The following FAM107B variants were observed in gnomAD, a reference collection of about 807,000 sequenced individuals.
The protein encoded by FAM107B is protein FAM107B.
Under a neutral mutation model 31.5 loss-of-function variants are expected in FAM107B, and 21 were observed. That is an observed-to-expected ratio of 0.67 (90% confidence interval 0.47 to 0.96). FAM107B has a LOEUF of 0.96. Among genes scored for constraint, FAM107B ranks in the 40% least tolerant of loss-of-function variants. The pLI is 0.00. For missense variants in FAM107B, 452 were observed against 377.1 expected (o/e 1.20, Z -1.64); for synonymous variants, 157 against 141.5 (o/e 1.11, Z -0.78).
chr10:14,723,127 G>C, intron 1 of FAM107B: 1 of 421,452 alleles, frequency 2.4e-6, no homozygotes, highest in Non-Finnish European at 4.7e-6. Context: ...TTTTCCATCA[G>C]ACTTGTGTCC....
chr10:14,774,324 C>T lies in FAM107B; in HGVS notation c.340G>A (p.Asp114Asn). The T allele has an allele frequency of 6.2e-7, 1 of 1,614,244 alleles. No individual in the cohort carries two copies. Among genetic ancestry groups the T allele is most frequent in the Non-Finnish European group, 8.5e-7 (1 of 1,180,044 alleles). ...TPEDVPGSLD[D>N]GADCEAVVFH... is the part of the protein sequence containing the mutation. ...ACCACTGCTTCACAGTCCGCCCCAT[C>T]ATCCAGGGACCCGGGCACATCTTCA... The change falls in exon 1 of 5, where the codon GAT becomes AAT. Residue 114 changes from aspartate to asparagine, a missense_variant. Asp to Asn is a conservative substitution (Grantham distance 23). Coordinates refer to ENST00000181796, the MANE Select transcript of FAM107B (RefSeq NM_031453.4).
At chr10:14,613,322 A>G (rs1852772202) in intron 2 of FAM107B, among the ~76,000 whole-genome samples, 1 of 152,186 alleles carries the variant, frequency 6.6e-6, no homozygotes, top group Admixed American at 6.5e-5. Context: ...TCATAGAACA[A>G]TAGAAACCTA....
intron 1 of FAM107B, among the ~76,000 whole-genome samples, chr10:14,716,356 A>G (rs1032953100): frequency 1.3e-5 from 2 of 152,170 alleles, no homozygotes; most frequent in Non-Finnish European, 2.9e-5. Context: ...ACTCCCTCAC[A>G]GGGCAGCTGC....
At chr10:14,677,715 A>G (rs1040009411) in intron 1 of FAM107B, among the ~76,000 whole-genome samples, 4 of 152,066 alleles carry the variant, frequency 2.6e-5, no homozygotes, top group Admixed American at 6.5e-5. Flanking sequence ...GTGACTAACC[A>G]TCTTAACTTG....
In FAM107B at chr10:14,530,477, G is replaced by C. The variant is rs375503819; in HGVS notation, c.508C>G (p.Leu170Val). 1.9e-6 allele frequency: 3 copies of C among 1,613,844 alleles called. No individual in the cohort carries two copies. Among genetic ancestry groups the C allele is most frequent in the Non-Finnish European group, 2.5e-6 (3 of 1,180,030 alleles). ...PEDIDHKDSY[L>V]ITRSIMAEPD... ...TCGGCCATGATGCTTCTTGTAATGA[G>C]ATATGAGTCCTTATGGTCAATATCC... Residue 170 changes from leucine to valine, a missense_variant, in exon 3 of 5, where the codon CTC becomes GTC. Transcript: ENST00000181796.
chr10:14,548,589 G>A (rs1186153995), intron 2 of FAM107B: 8 of 985,310 alleles, frequency 8.1e-6, no homozygotes, highest in African/African-American at 1.7e-5. Context: ...ATACACATGG[G>A]AAGAAGGGAA....
Position 14,700,827 on chromosome 10 carries a change from CAAAAAAA to C in FAM107B, c.412-33143_412-33137del, listed in dbSNP as rs1159035034. On this transcript the variant is annotated intron_variant, in intron 1 of 4. Transcript: ENST00000181796. ...TCACTTGGATGCTGATGGCAAGAGGCAAAAAAAAAAAAAAAAAAAAAAAAACGCACTA... is the reference window on the plus strand; with the variant it reads ...TCACTTGGATGCTGATGGCAAGAGGCAAAAAAAAAAAAAAAAAACGCACTA... Among the ~76,000 whole-genome samples the C allele has an allele frequency of 1.7e-4, 13 of 76,018 alleles. No individual in the cohort carries two copies. In the South Asian group the frequency reaches 3.2e-3, roughly 19 times the overall value. 49.9% of individuals were successfully genotyped at this position (76,018 alleles called of 152,430 possible).
At chr10:14,649,252 G>T (rs1043957882) in intron 2 of FAM107B, among the ~76,000 whole-genome samples, 1 of 152,176 alleles carries the variant, frequency 6.6e-6, no homozygotes, top group African/African-American at 2.4e-5. Flanking sequence ...ACAGACAGCA[G>T]GACCTGAAAG....
intron 1 of FAM107B, among the ~76,000 whole-genome samples, chr10:14,677,566 A>G (rs546514120): frequency 6.6e-6 from 1 of 152,242 alleles, no homozygotes; most frequent in Admixed American, 6.5e-5. Context: ...GCTTGCAGTG[A>G]GCAGAGATGG....
intron 1 of FAM107B, among the ~76,000 whole-genome samples, chr10:14,677,959 T>C (rs1458048722): frequency 9.2e-5 from 14 of 152,216 alleles, no homozygotes; most frequent in Admixed American, 9.2e-4. Context: ...TCAAACTCTA[T>C]TCTGTGTTAG....
intron 3 of FAM107B, among the ~76,000 whole-genome samples, chr10:14,523,884 T>C (rs1434808685): frequency 2.7e-5 from 4 of 150,824 alleles, no homozygotes; most frequent in Middle Eastern, 3.4e-3. Context: ...TTTTTTTTTT[T>C]CTGAGACAGG....
At chr10:14,570,789 G>A (rs921954612) in intron 2 of FAM107B, among the ~76,000 whole-genome samples, 3 of 130,932 alleles carry the variant, frequency 2.3e-5, no homozygotes, top group African/African-American at 8.3e-5. Context: ...ATGACAGAGT[G>A]AGACTCCATC....
intron 1 of FAM107B, among the ~76,000 whole-genome samples, chr10:14,680,133 G>A (rs959331849): frequency 2.0e-5 from 3 of 152,112 alleles, no homozygotes; most frequent in African/African-American, 7.2e-5. Flanking sequence ...CTATAATACA[G>A]GTTGCTTGGC....
chr10:14,774,427 C>A lies in FAM107B; in HGVS notation c.237G>T (p.Ser79=), dbSNP rs1833375419. The A allele has an allele frequency of 4.3e-6, 7 of 1,614,050 alleles. No individual in the cohort carries two copies. Among genetic ancestry groups the A allele is most frequent in the Non-Finnish European group, 5.9e-6 (7 of 1,180,044 alleles). The part of the protein sequence containing the change: ...AEGAPEKRQD[S]STHAERNGSA... ...TGCCATTTCTCTCTGCATGGGTGCT[C>A]GAATCTTGCCTTTTCTCTGGAGCTC... The change falls in exon 1 of 5, where the codon TCG becomes TCT. Residue 79 remains serine (S), a synonymous_variant. Coordinates refer to ENST00000181796, the MANE Select transcript of FAM107B (RefSeq NM_031453.4).
intron 2 of FAM107B, among the ~76,000 whole-genome samples, chr10:14,611,003 T>C (rs567394329): frequency 6.1e-4 from 93 of 152,350 alleles, no homozygotes; most frequent in Middle Eastern, 3.4e-3. Context: ...AAATGGTGGT[T>C]CTAACTTGTA....
At chr10:14,722,231 C>T (rs966896082) in intron 1 of FAM107B, among the ~76,000 whole-genome samples, 2 of 152,140 alleles carry the variant, frequency 1.3e-5, no homozygotes, top group South Asian at 2.1e-4. Context: ...AAATACTATT[C>T]GATTTTCTAT....
rs1008550297 is a variant in FAM107B at position 14,624,678 on chromosome 10, G to A, written c.469+42956C>T. Among the ~76,000 whole-genome samples the A allele has an allele frequency of 5.3e-5, 8 of 152,138 alleles. No homozygotes were observed. The South Asian group carries it at 1.2e-3, about 24-fold the overall frequency. On this transcript the variant is annotated intron_variant, in intron 2 of 4. Coordinates refer to ENST00000181796, the MANE Select transcript of FAM107B (RefSeq NM_031453.4). Reference sequence around the variant, plus strand: ...GGGTCAACTCCCAAAGAACTTGAACGTCCCTGAGTCCGTTTTCGTATTTGA... The same window carrying A: ...GGGTCAACTCCCAAAGAACTTGAACATCCCTGAGTCCGTTTTCGTATTTGA...
intron 2 of FAM107B, among the ~76,000 whole-genome samples, chr10:14,660,912 T>C (rs563032824): frequency 2.0e-5 from 3 of 152,304 alleles, no homozygotes; most frequent in African/African-American, 7.2e-5. Context: ...TCATGTCAAA[T>C]TGTAACCCCC....
intron 2 of FAM107B, among the ~76,000 whole-genome samples, chr10:14,647,889 C>A (rs953498310): frequency 2.6e-5 from 4 of 151,802 alleles, no homozygotes; most frequent in Non-Finnish European, 4.4e-5. Context: ...TTGCCCCAAC[C>A]AACTCATATA....
Sources: gnomAD v4.1 joint callset for allele counts (sites outside exome capture counted in the v4.1 genomes callset) on GRCh38, gnomAD v4.1.1 for gene constraint, MANE v1.5 for transcripts, NCBI Gene and HGNC (gene_info 2026-07-23, HGNC 2026-07-21) for gene names.